Variants in FECH observed in about 807,000 individuals in gnomAD.
The protein encoded by FECH is ferrochelatase.
A neutral mutation model predicts 56.9 loss-of-function variants in FECH; 40 were observed. The ratio of observed to expected loss-of-function variants is 0.70; its 90% CI spans 0.55 to 0.92. FECH has a LOEUF of 0.92. Among genes scored for constraint, FECH ranks in the 40% least tolerant of loss-of-function variants. The probability of loss-of-function intolerance (pLI) is 0.00; values close to 1 mark genes in which losing one functional copy is unlikely to be tolerated. For missense variants in FECH, 431 were observed against 529.1 expected, an observed-to-expected ratio of 0.81 and a Z score of 1.82; for synonymous variants, 175 against 198.6, an observed-to-expected ratio of 0.88 and a Z score of 1.00.
At chr18:57,557,406 C>T (rs2050882495) in intron 7 of FECH, among the ~76,000 whole-genome samples, 1 of 152,216 alleles carries the variant, frequency 6.6e-6, no homozygotes, top group Non-Finnish European at 1.5e-5. Context: ...AAGGACGCTC[C>T]AGCAGCCAAA....
intron 4 of FECH, among the ~76,000 whole-genome samples, chr18:57,568,311 G>A (rs1430865636): frequency 6.6e-6 from 1 of 152,156 alleles, no homozygotes. Context: ...AGGTAGAAAG[G>A]CTGCCCTTGC....
chr18:57,555,016 T>A, intron 7 of FECH, 64 bp from the exon 8 acceptor site: 1 of 1,271,340 alleles, frequency 7.9e-7, no homozygotes. Flanking sequence ...AGCCTCTGAC[T>A]ATGTGCTGAC....
In FECH at chr18:57,554,136, GAGGACAC is replaced by G. The variant is rs58628398; in HGVS notation, c.1077+117_1077+123del. 0.12 allele frequency: 120,483 copies of G among 1,031,350 alleles called. 7,724 individuals are homozygous for G. Among genetic ancestry groups the G allele is most frequent in the Non-Finnish European group, 0.15 (97,960 of 664,198 alleles). 63.9% of individuals were successfully genotyped at this position (1,031,350 alleles called of 1,614,324 possible). A position where few individuals can be genotyped will look rare whatever the true frequency, so the allele number is the denominator to read the frequency against. Reference sequence around the variant, plus strand: ...CAGATGAAGTATTATTCAGGAGAATGAGGACACCGTACATGCAAACAAATACAGTAAA... The same window carrying G: ...CAGATGAAGTATTATTCAGGAGAATGCGTACATGCAAACAAATACAGTAAA... On this transcript the variant is annotated intron_variant, in intron 9 of 10. Transcript: ENST00000262093.
intron 2 of FECH, among the ~76,000 whole-genome samples, chr18:57,579,279 G>GTATA (rs764658724): frequency 0.088 from 9,724 of 111,014 alleles, 367 homozygotes; most frequent in Non-Finnish European, 0.11. Context: ...ATATATGTGT[G>GTATA]TGTGTATATA....
Position 57,546,842 on chromosome 18 carries a change from C to T in FECH, c.*3870G>A, listed in dbSNP as rs1030174615. On this transcript the variant is annotated 3_prime_UTR_variant, in exon 11 of 11. Transcript: ENST00000262093. ...GGCATGGTGGCACACGCCTGAGTAG[C>T]CCAGCTACTCCGGAGGCTGAGGCAG... 6.6e-6 allele frequency among the ~76,000 whole-genome samples: 1 copy of T among 151,844 alleles called. No individual in the cohort carries two copies. The highest frequency in any genetic ancestry group is 1.5e-5 in the Non-Finnish European group (1 of 67,984).
In FECH at chr18:57,554,347, G is replaced by A. The variant is rs765164909; in HGVS notation, c.990C>T (p.Ile330=). The A allele has an allele frequency of 9.9e-6, 16 of 1,614,062 alleles. No homozygotes were observed. The highest frequency in any genetic ancestry group is 1.3e-5 in the Non-Finnish European group (15 of 1,180,036). Residue 330 remains isoleucine, a synonymous_variant, in exon 9 of 11, where the codon ATC becomes ATT. Coordinates refer to ENST00000262093, the MANE Select transcript of FECH (RefSeq NM_000140.5). ...KGLCERGRKN[I]LLVPIAFTSD... ...TGGTAAATGCTATCGGAACCAAGAGGATATTCTTCCTCCCCCTCTCACAAA... is the reference window on the plus strand; with the variant it reads ...TGGTAAATGCTATCGGAACCAAGAGAATATTCTTCCTCCCCCTCTCACAAA...
At chr18:57,563,128 A>G in intron 5 of FECH, 148 bp from the exon 6 acceptor site, 2 of 694,056 alleles carry the variant, frequency 2.9e-6, no homozygotes, top group Admixed American at 2.1e-5. Flanking sequence ...ATACTCTAAA[A>G]TGCATATAGA....
chr18:57,568,193 T>C (rs933594702), intron 4 of FECH, among the ~76,000 whole-genome samples: 1 of 152,206 alleles, frequency 6.6e-6, no homozygotes, highest in Non-Finnish European at 1.5e-5. Flanking sequence ...ACATCCCCAG[T>C]GCTGCAGGTC....
At chr18:57,561,881 A>G (rs2050948729) in intron 6 of FECH, among the ~76,000 whole-genome samples, 1 of 152,132 alleles carries the variant, frequency 6.6e-6, no homozygotes, top group Admixed American at 6.5e-5. Context: ...GCACACAGAG[A>G]CCACAACTAC....
intron 5 of FECH, among the ~76,000 whole-genome samples, chr18:57,563,941 C>T (rs936354422): frequency 1.6e-4 from 24 of 152,072 alleles, no homozygotes; most frequent in African/African-American, 5.1e-4. Context: ...TGCAGTGGCG[C>T]GATCTCAGCT....
chr18:57,567,367 G>A (rs1330361330), intron 4 of FECH, among the ~76,000 whole-genome samples: 1 of 152,150 alleles, frequency 6.6e-6, no homozygotes, highest in Non-Finnish European at 1.5e-5. Flanking sequence ...TCCCTTCCCT[G>A]TCCTTTCACG....
intron 6 of FECH, among the ~76,000 whole-genome samples, chr18:57,561,026 C>G (rs747418973): frequency 6.6e-6 from 1 of 152,106 alleles, no homozygotes; most frequent in East Asian, 1.9e-4. Flanking sequence ...TAGATACAAA[C>G]GAAACCAATA....
At chr18:57,565,072 G>T (rs148811799) in intron 5 of FECH, among the ~76,000 whole-genome samples, 190 of 152,306 alleles carry the variant, frequency 1.2e-3, no homozygotes, top group African/African-American at 4.3e-3. Flanking sequence ...ATACAGTGAA[G>T]TTTTGCATAC....
At chr18:57,579,279 G>GTATATC (rs764658724) in intron 2 of FECH, among the ~76,000 whole-genome samples, 6 of 112,574 alleles carry the variant, frequency 5.3e-5, no homozygotes, top group Non-Finnish European at 9.3e-5. Context: ...ATATATGTGT[G>GTATATC]TGTGTATATA....
chr18:57,545,084 G>T lies in FECH; in HGVS notation c.*5628C>A, dbSNP rs13732. Among the ~76,000 whole-genome samples the T allele has an allele frequency of 0.33, 49,674 of 151,964 alleles. 10,054 individuals carry two copies. The highest frequency in any genetic ancestry group is 0.47 in the Non-Finnish European group (31,876 of 67,950). On this transcript the variant is annotated 3_prime_UTR_variant, in exon 11 of 11. Coordinates refer to ENST00000262093, the MANE Select transcript of FECH (RefSeq NM_000140.5). ...TGACAGGAAAGTAAAGCTTTGACCCGCAGGGGAGACTGGAGAGGGGAAGTT... is the reference window on the plus strand; with the variant it reads ...TGACAGGAAAGTAAAGCTTTGACCCTCAGGGGAGACTGGAGAGGGGAAGTT...
At chr18:57,570,436 A>T (rs2051088422) in intron 4 of FECH, among the ~76,000 whole-genome samples, 1 of 152,232 alleles carries the variant, frequency 6.6e-6, no homozygotes, top group Non-Finnish European at 1.5e-5. Context: ...ACTTTGTGCC[A>T]TGGGAACCAG....
At chr18:57,583,633 C>T (rs1014629708) in intron 1 of FECH, among the ~76,000 whole-genome samples, 9 of 152,188 alleles carry the variant, frequency 5.9e-5, no homozygotes, top group Non-Finnish European at 1.3e-4. Context: ...TTCTGCCCCT[C>T]CTCCTTACAT....
In FECH at chr18:57,550,651, C is replaced by T; in HGVS notation, c.*61G>A. The T allele has an allele frequency of 6.2e-7, 1 of 1,608,594 alleles. No homozygotes were observed. Among genetic ancestry groups the T allele is most frequent in the South Asian group, 1.1e-5 (1 of 90,658 alleles). On this transcript the variant is annotated 3_prime_UTR_variant, in exon 11 of 11. Coordinates refer to ENST00000262093, the MANE Select transcript of FECH (RefSeq NM_000140.5). Reference sequence around the variant, plus strand: ...CTTGATCTCTAAATAACACCCTCTCCACATCGGAGGTATCTGGAGGTTGGG... The same window carrying T: ...CTTGATCTCTAAATAACACCCTCTCTACATCGGAGGTATCTGGAGGTTGGG...
At chr18:57,554,678 T>C (rs528655994) in intron 8 of FECH, among the ~76,000 whole-genome samples, 167 bp downstream of exon 8, 1 of 152,360 alleles carries the variant, frequency 6.6e-6, no homozygotes, top group South Asian at 2.1e-4. Flanking sequence ...AGTCACTTGA[T>C]TTCCCCTTCT....
Sources: allele counts gnomAD v4.1 joint callset (sites outside exome capture counted in the v4.1 genomes callset), GRCh38; gene constraint gnomAD v4.1.1; transcripts MANE v1.5; gene names NCBI Gene and HGNC (gene_info 2026-07-23, HGNC 2026-07-21).